EXOG: variants seen among roughly 807,000 people sequenced by gnomAD.
EXOG encodes the protein exo/endonuclease G, also known as nuclease EXOG, mitochondrial.
In EXOG, 27 loss-of-function variants were observed where a neutral mutation model predicts 25.8. That is an observed-to-expected ratio of 1.05 (90% CI 0.77 to 1.45). EXOG has a LOEUF of 1.45. Ranked by LOEUF, EXOG falls within the 40% of genes most tolerant of loss-of-function variation. The probability of loss-of-function intolerance (pLI) is 0.00; values close to 1 mark genes in which losing one functional copy is unlikely to be tolerated. For synonymous variants in EXOG, 133 were observed against 167.0 expected (o/e 0.80, Z 1.57); for missense variants, 458 against 450.5 (o/e 1.02, Z -0.15).
chr3:38,522,996 G>A (rs937701707), intron 5 of EXOG, among the ~76,000 whole-genome samples: 5 of 152,186 alleles, frequency 3.3e-5, no homozygotes, highest in Non-Finnish European at 1.5e-5. Context: ...GCCCAAGGAT[G>A]TGCAAAACTC....
At chr3:38,506,566 T>TA (rs1430349374) in intron 4 of EXOG, among the ~76,000 whole-genome samples, 2 of 152,194 alleles carry the variant, frequency 1.3e-5, no homozygotes, top group African/African-American at 4.8e-5. Flanking sequence ...AACTATGGCA[T>TA]AAAAAAAGTT....
Position 38,503,613 on chromosome 3 carries a change from A to G in EXOG, c.454-2A>G, listed in dbSNP as rs1279929854. 1 of 1,571,362 alleles carries G rather than the reference A, an allele frequency of 6.4e-7. No individual in the cohort carries two copies. ...CAAGTTACTATGTTTCTTTCTTTAC[A>G]GAAAGCCATGGCTGAAACCTTTTAC... On this transcript the variant is annotated splice_acceptor_variant, in intron 3 of 5. Transcript: ENST00000287675. LOFTEE classifies it high-confidence loss of function.
chr3:38,521,845 C>CAT (rs1207245761), intron 5 of EXOG, among the ~76,000 whole-genome samples: 2 of 152,208 alleles, frequency 1.3e-5, no homozygotes, highest in Non-Finnish European at 2.9e-5. Flanking sequence ...GCACCAGCTG[C>CAT]ATATACTTTA....
intron 3 of EXOG, 68 bp downstream of exon 3, chr3:38,501,562 T>G: frequency 7.0e-7 from 1 of 1,423,880 alleles, no homozygotes; most frequent in Non-Finnish European, 9.8e-7. Context: ...GAATTAGAGG[T>G]TTAAAAACCT....
chr3:38,517,028 C>A (rs1474996355), intron 5 of EXOG, among the ~76,000 whole-genome samples: 2 of 152,176 alleles, frequency 1.3e-5, no homozygotes, highest in African/African-American at 4.8e-5. Context: ...GGTTTTTTCA[C>A]CATTTCCCCC....
intron 5 of EXOG, among the ~76,000 whole-genome samples, chr3:38,521,658 C>G (rs987489849): frequency 2.0e-5 from 3 of 152,218 alleles, no homozygotes; most frequent in Non-Finnish European, 4.4e-5. Flanking sequence ...TTCACCTTCT[C>G]CCTCTTTGCA....
At position 38,519,900 on chromosome 3, in the gene EXOG, C is replaced by G. The variant is rs564102831; in HGVS notation, c.646-4001C>G. On this transcript the variant is annotated intron_variant, in intron 5 of 5. Transcript: ENST00000287675. ...CTCACTTTTCATGTTCCTTCCCCCC[C>G]TCAGGTTCGGATTTCCTGTTTATCA... is the stretch of plus-strand genomic sequence containing the variant. Among the ~76,000 whole-genome samples, 15 of 152,338 alleles carry G rather than the reference C, an allele frequency of 9.8e-5. No individual in the cohort carries two copies. In the South Asian group the frequency reaches 2.1e-3, roughly 21 times the overall value.
At chr3:38,523,169 C>A in intron 5 of EXOG, 1 of 1,282,206 alleles carries the variant, frequency 7.8e-7, no homozygotes. Context: ...GTTTTTATTT[C>A]TAGAGCTGGG....
Position 38,524,219 on chromosome 3 carries a change from G to A in EXOG, c.964G>A (p.Val322Met). The A allele has an allele frequency of 1.2e-6, 2 of 1,614,192 alleles. No homozygotes were observed. Among genetic ancestry groups the A allele is most frequent in the Non-Finnish European group, 1.7e-6 (2 of 1,179,998 alleles). Residue 322 changes from valine to methionine, a missense_variant, in exon 6 of 6, where the codon GTG (valine) becomes ATG (methionine). Physicochemically the swap from Val to Met is conservative, Grantham distance 21. Coordinates refer to ENST00000287675, the MANE Select transcript of EXOG (RefSeq NM_005107.4). ...STRKIEGARS[V>M]LRLEKIMENL... ...AAGAAAGATTGAAGGAGCCCGATCA[G>A]TGCTCAGACTGGAAAAGATCATGGA... is the stretch of plus-strand genomic sequence containing the variant.
chr3:38,516,972 GA>G (rs1260808153), intron 5 of EXOG, among the ~76,000 whole-genome samples: 4 of 152,154 alleles, frequency 2.6e-5, no homozygotes, highest in Non-Finnish European at 4.4e-5. Context: ...CAGTTTGTCT[GA>G]TTATTGATGA....
At chr3:38,509,959 A>G (rs1409716681) in intron 5 of EXOG, among the ~76,000 whole-genome samples, 2 of 152,222 alleles carry the variant, frequency 1.3e-5, no homozygotes, top group African/African-American at 4.8e-5. Flanking sequence ...CTAGTGAGTG[A>G]ATGTTTTATG....
In EXOG at chr3:38,525,419, G is replaced by A. The variant is rs767126369; in HGVS notation, c.*1057G>A. 93 of 985,194 alleles carry A rather than the reference G, an allele frequency of 9.4e-5. No individual in the cohort carries two copies. The highest frequency in any genetic ancestry group is 3.1e-4 in the Admixed American group (5 of 16,250). 61.0% of individuals were successfully genotyped at this position (985,194 alleles called of 1,614,324 possible). A position where few individuals can be genotyped will look rare whatever the true frequency, so the allele number is the denominator to read the frequency against. On this transcript the variant is annotated 3_prime_UTR_variant, in exon 6 of 6. Coordinates refer to ENST00000287675, the MANE Select transcript of EXOG (RefSeq NM_005107.4). ...CTTGGCAAGAAGAGTCTGGTTTCTC[G>A]TCTGCTATGCAAGCCAAAGGGACTT...
intron 5 of EXOG, among the ~76,000 whole-genome samples, chr3:38,517,339 A>G (rs6599211): frequency 0.5 from 75,624 of 152,110 alleles, 20,429 homozygotes; most frequent in African/African-American, 0.72. Context: ...AGATTTAGCC[A>G]GTGGGAGCTC....
chr3:38,504,778 G>T (rs187038886), intron 4 of EXOG, among the ~76,000 whole-genome samples: 5 of 152,022 alleles, frequency 3.3e-5, no homozygotes, highest in African/African-American at 9.7e-5. Flanking sequence ...AAATAATCTG[G>T]GCCTTCTACA....
At chr3:38,499,636 T>G in intron 2 of EXOG, 1 of 453,898 alleles carries the variant, frequency 2.2e-6, no homozygotes, top group South Asian at 1.6e-5. Flanking sequence ...TATCTGTATT[T>G]TTTTTACCTT....
chr3:38,498,240 T>C (rs1022676009), intron 2 of EXOG, among the ~76,000 whole-genome samples: 1 of 152,102 alleles, frequency 6.6e-6, no homozygotes, highest in Non-Finnish European at 1.5e-5. Flanking sequence ...TGATTGCAAG[T>C]TAGTGTAGTA....
chr3:38,509,695 C>CA (rs2060309375), intron 5 of EXOG, among the ~76,000 whole-genome samples: 1 of 152,142 alleles, frequency 6.6e-6, no homozygotes, highest in East Asian at 1.9e-4. Context: ...GTCAGAAGGA[C>CA]ATGTGAATCA....
At chr3:38,500,286 A>C (rs1269031989) in intron 2 of EXOG, 2 of 152,312 alleles carry the variant, frequency 1.3e-5, no homozygotes, top group East Asian at 3.9e-4. Flanking sequence ...ATACTGCTAG[A>C]CACCTTACAG....
chr3:38,504,361 A>G (rs964670508), intron 4 of EXOG, among the ~76,000 whole-genome samples: 1 of 96,240 alleles, frequency 1.0e-5, no homozygotes, highest in African/African-American at 8.2e-5. Flanking sequence ...GCAAGACCCT[A>G]TCTCAAAAAA....
Sources: allele counts gnomAD v4.1 joint callset (sites outside exome capture counted in the v4.1 genomes callset), GRCh38; gene constraint gnomAD v4.1.1; transcripts MANE v1.5; gene names NCBI Gene and HGNC (gene_info 2026-07-23, HGNC 2026-07-21).